TBC1D12: variants seen among roughly 807,000 people sequenced by gnomAD.
The protein encoded by TBC1D12 is TBC1 domain family member 12.
Under a neutral mutation model 86.7 loss-of-function variants are expected in TBC1D12, and 56 were observed. The ratio of observed to expected loss-of-function variants is 0.65; its 90% CI spans 0.52 to 0.81. The LOEUF (loss-of-function observed/expected upper bound fraction) is 0.81, where lower values mean the gene tolerates loss of function less well. Ranked by LOEUF, TBC1D12 falls within the 30% of genes least tolerant of loss-of-function variation. The probability of loss-of-function intolerance (pLI) is 0.00; values close to 1 mark genes in which losing one functional copy is unlikely to be tolerated. For missense variants in TBC1D12, 1,023 were observed against 1,038.8 expected (o/e 0.98, Z 0.21); for synonymous variants, 421 against 411.7 (o/e 1.02, Z -0.27).
At chr10:94,473,691 T>C (rs117488319) in intron 2 of TBC1D12, among the ~76,000 whole-genome samples, 1,879 of 152,312 alleles carry the variant, frequency 0.012, 21 homozygotes, top group Non-Finnish European at 0.02. Context: ...GATGATCAGA[T>C]GCTAGCTTGA....
rs2054795179 is a variant in TBC1D12, at chr10:94,403,191, C to T, written c.578C>T (p.Ser193Phe). The T allele has an allele frequency of 1.3e-6, 2 of 1,496,752 alleles. No homozygotes were observed. Among genetic ancestry groups the T allele is most frequent in the Non-Finnish European group, 1.8e-6 (2 of 1,126,058 alleles). The allele number at this position is 1,496,752 out of a possible 1,614,324, so 92.7% of individuals were successfully genotyped here. A position where few individuals can be genotyped will look rare whatever the true frequency, so the allele number is the denominator to read the frequency against. ...DGAGSPSDWA[S>F]PLEDPLRSCC... ...GCGGGAAGCCCGTCCGATTGGGCCT[C>T]TCCGCTTGAGGACCCGCTGCGGAGC... is the stretch of plus-strand genomic sequence containing the variant. Residue 193 changes from serine to phenylalanine, a missense_variant, in exon 1 of 13, where the codon TCT becomes TTT. Around this residue, in one of 2 missense-constraint regions of TBC1D12, gnomAD observed 628 missense variants for 531.1 expected, o/e 1.18. Coordinates refer to ENST00000225235, the MANE Select transcript of TBC1D12 (RefSeq NM_015188.2).
At position 94,403,389 on chromosome 10, in the gene TBC1D12, G is replaced by T; in HGVS notation, c.776G>T (p.Gly259Val). The change falls in exon 1 of 13, where the codon GGT becomes GTT. Residue 259 changes from glycine (G) to valine (V), a missense_variant. Physicochemically the swap from Gly to Val is moderately radical, Grantham distance 109 (BLOSUM62 -3). This residue lies in a region of TBC1D12 where 628 missense variants were observed against 531.1 expected (regional missense o/e 1.18). Coordinates refer to ENST00000225235, the MANE Select transcript of TBC1D12 (RefSeq NM_015188.2). ...PATSAERTNG[G>V]AEPRLGFSDI... ...ACCTCGGCCGAGAGGACTAATGGGGGTGCGGAGCCGCGCCTGGGCTTTTCT... is the reference window on the plus strand; with the variant it reads ...ACCTCGGCCGAGAGGACTAATGGGGTTGCGGAGCCGCGCCTGGGCTTTTCT... 6.5e-7 allele frequency: 1 copy of T among 1,545,114 alleles called. No individual in the cohort carries two copies. Among genetic ancestry groups the T allele is most frequent in the Non-Finnish European group, 8.7e-7 (1 of 1,145,496 alleles).
chr10:94,473,180 C>A (rs974011266), intron 2 of TBC1D12, among the ~76,000 whole-genome samples: 1 of 151,206 alleles, frequency 6.6e-6, no homozygotes, highest in Non-Finnish European at 1.5e-5. Flanking sequence ...TGGAGAAACC[C>A]TGTCTCTACT....
chr10:94,433,969 G>A (rs562654309), intron 1 of TBC1D12, among the ~76,000 whole-genome samples: 1 of 151,892 alleles, frequency 6.6e-6, no homozygotes, highest in African/African-American at 2.4e-5. Flanking sequence ...AATAAAATTT[G>A]TTCATTGTAA....
At chr10:94,407,915 A>G (rs1015813723) in intron 1 of TBC1D12, among the ~76,000 whole-genome samples, 1 of 151,838 alleles carries the variant, frequency 6.6e-6, no homozygotes, top group Non-Finnish European at 1.5e-5. Flanking sequence ...GCAGTGAGCC[A>G]TGATTGAGTC....
At chr10:94,502,781 G>A (rs2056415030) in intron 6 of TBC1D12, among the ~76,000 whole-genome samples, 1 of 152,156 alleles carries the variant, frequency 6.6e-6, no homozygotes, top group Admixed American at 6.5e-5. Context: ...AAAGACTTAA[G>A]GACTTTAATA....
intron 11 of TBC1D12, among the ~76,000 whole-genome samples, chr10:94,528,071 G>A (rs1842341036): frequency 6.6e-6 from 1 of 151,380 alleles, no homozygotes; most frequent in South Asian, 2.1e-4. Flanking sequence ...AGTCTTTTGA[G>A]GTTTTATATA....
intron 1 of TBC1D12, among the ~76,000 whole-genome samples, chr10:94,409,403 A>C (rs560351138): frequency 4.3e-4 from 56 of 131,398 alleles, no homozygotes; most frequent in African/African-American, 1.6e-3. Flanking sequence ...TTGAGACAGG[A>C]TCTCATTCTG....
intron 3 of TBC1D12, among the ~76,000 whole-genome samples, chr10:94,480,011 A>G (rs1201702203): frequency 2.0e-5 from 3 of 152,186 alleles, no homozygotes; most frequent in Non-Finnish European, 4.4e-5. Flanking sequence ...CTGGGCCCAC[A>G]GTAAGAAAGA....
chr10:94,404,300 T>C lies in TBC1D12; in HGVS notation c.971+716T>C, dbSNP rs1045604631. On this transcript the variant is annotated intron_variant, in intron 1 of 12. Coordinates refer to ENST00000225235, the MANE Select transcript of TBC1D12 (RefSeq NM_015188.2). ...CTCTCCTTTTTTTCCCCAATAACTTTAGTTTTTTTAAAAAATGGTATTGTA... is the reference window on the plus strand; with the variant it reads ...CTCTCCTTTTTTTCCCCAATAACTTCAGTTTTTTTAAAAAATGGTATTGTA... 2.6e-5 allele frequency among the ~76,000 whole-genome samples: 4 copies of C among 152,194 alleles called. No individual in the cohort carries two copies. The East Asian group carries it at 7.7e-4, about 29-fold the overall frequency.
chr10:94,471,681 C>A (rs1474667396), intron 2 of TBC1D12, among the ~76,000 whole-genome samples: 1 of 152,160 alleles, frequency 6.6e-6, no homozygotes, highest in Non-Finnish European at 1.5e-5. Flanking sequence ...CATCATCCAC[C>A]ATGGCCATGA....
chr10:94,520,585 A>G (rs1218722059), intron 9 of TBC1D12, among the ~76,000 whole-genome samples: 1 of 152,118 alleles, frequency 6.6e-6, no homozygotes, highest in Non-Finnish European at 1.5e-5. Context: ...AAGGGAGCTG[A>G]GAAAATAGAG....
intron 2 of TBC1D12, among the ~76,000 whole-genome samples, chr10:94,445,612 T>C (rs1459934344): frequency 6.6e-6 from 1 of 152,144 alleles, no homozygotes; most frequent in Non-Finnish European, 1.5e-5. Flanking sequence ...GGAGGCATTA[T>C]GTATAGTCAA....
intron 10 of TBC1D12, 125 bp from the exon 11 acceptor site, chr10:94,522,219 G>T (rs764694016): frequency 8.1e-6 from 10 of 1,236,942 alleles, no homozygotes; most frequent in Non-Finnish European, 1.1e-5. Flanking sequence ...ATGAATGTTT[G>T]CTGAGAAGAC....
At chr10:94,425,001 T>G (rs2055128249) in intron 1 of TBC1D12, among the ~76,000 whole-genome samples, 1 of 152,174 alleles carries the variant, frequency 6.6e-6, no homozygotes, top group Non-Finnish European at 1.5e-5. Context: ...GGTGTAGAAC[T>G]GGAAACTGTC....
intron 2 of TBC1D12, among the ~76,000 whole-genome samples, chr10:94,443,210 T>A (rs1338253720): frequency 1.3e-5 from 2 of 152,200 alleles, no homozygotes; most frequent in Non-Finnish European, 2.9e-5. Context: ...ATTGCCGTCT[T>A]TCTAAGCAGC....
At chr10:94,479,678 T>C (rs2056047753) in intron 3 of TBC1D12, among the ~76,000 whole-genome samples, 1 of 152,172 alleles carries the variant, frequency 6.6e-6, no homozygotes, top group Admixed American at 6.5e-5. Context: ...ATTATAAGAT[T>C]CAATGGATCT....
intron 2 of TBC1D12, among the ~76,000 whole-genome samples, chr10:94,451,171 A>G (rs532315878): frequency 5.3e-5 from 8 of 152,234 alleles, no homozygotes; most frequent in African/African-American, 1.9e-4. Flanking sequence ...AATAGCAAGA[A>G]GGAGGATATT....
At chr10:94,467,742 T>C (rs2055845961) in intron 2 of TBC1D12, among the ~76,000 whole-genome samples, 1 of 152,170 alleles carries the variant, frequency 6.6e-6, no homozygotes, top group South Asian at 2.1e-4. Flanking sequence ...CTGACAGTTT[T>C]TGTTTTTGAG....
Sources: gnomAD v4.1 joint callset for allele counts (sites outside exome capture counted in the v4.1 genomes callset) on GRCh38, gnomAD v4.1.1 for gene constraint, gnomAD v4.1.1 regional missense constraint, MANE v1.5 for transcripts, NCBI Gene and HGNC (gene_info 2026-07-23, HGNC 2026-07-21) for gene names.